NUDT3: variants seen among roughly 807,000 people sequenced by gnomAD.
The protein encoded by NUDT3 is nudix hydrolase 3, also known as diphosphoinositol polyphosphate phosphohydrolase 1.
Under a neutral mutation model 23.6 loss-of-function variants are expected in NUDT3, and 9 were observed. The ratio of observed to expected loss-of-function variants is 0.38; its 90% CI spans 0.23 to 0.66. NUDT3 has a LOEUF of 0.66. NUDT3 is among the 30% of genes least tolerant of loss of function. NUDT3 has a pLI of 0.52. For missense variants in NUDT3, 172 were observed against 218.5 expected (o/e 0.79, Z 1.34); for synonymous variants, 86 against 82.6 (o/e 1.04, Z -0.22).
chr6:34,330,918 G>A (rs746811879), intron 2 of NUDT3, among the ~76,000 whole-genome samples: 1 of 152,166 alleles, frequency 6.6e-6, no homozygotes, highest in African/African-American at 2.4e-5. Flanking sequence ...GCAATGGCAC[G>A]ATCTTGGCTC....
intron 2 of NUDT3, among the ~76,000 whole-genome samples, chr6:34,333,398 A>G (rs1764159001): frequency 6.6e-6 from 1 of 152,208 alleles, no homozygotes; most frequent in Admixed American, 6.5e-5. Flanking sequence ...TTATATAAAA[A>G]CTTTTTCTAG....
In NUDT3 at chr6:34,294,268, G is replaced by A. The variant is rs958102155; in HGVS notation, c.256-733C>T. ...GGGAAAGTGCTGGGATTACATATGT[G>A]AGCCACCACACCCAGCCAATTTTTG... On this transcript the variant is annotated intron_variant, in intron 3 of 4. Transcript: ENST00000607016. 1.2e-4 allele frequency among the ~76,000 whole-genome samples: 18 copies of A among 151,904 alleles called. No homozygotes were observed. The East Asian group carries it at 3.3e-3, about 28-fold the overall frequency.
intron 2 of NUDT3, among the ~76,000 whole-genome samples, chr6:34,322,592 G>A (rs1763962353): frequency 6.6e-6 from 1 of 152,166 alleles, no homozygotes; most frequent in African/African-American, 2.4e-5. Flanking sequence ...TGGAAATACA[G>A]TTCTATGATA....
intron 1 of NUDT3, 50 bp from the exon 2 acceptor site, chr6:34,342,022 T>G: frequency 2.0e-6 from 3 of 1,533,766 alleles, no homozygotes; most frequent in Non-Finnish European, 2.7e-6. Flanking sequence ...CAAAGACACA[T>G]CCACACAAAT....
chr6:34,376,983 G>A (rs1257615035), intron 1 of NUDT3, among the ~76,000 whole-genome samples: 2 of 151,964 alleles, frequency 1.3e-5, no homozygotes, highest in African/African-American at 2.4e-5. Context: ...ATCATGCTGG[G>A]TCTCCTTCTC....
At chr6:34,314,874 G>A (rs771180752) in intron 2 of NUDT3, among the ~76,000 whole-genome samples, 1 of 151,938 alleles carries the variant, frequency 6.6e-6, no homozygotes, top group African/African-American at 2.4e-5. Context: ...TCTATGCTCC[G>A]GACAAGAAAA....
intron 4 of NUDT3, among the ~76,000 whole-genome samples, chr6:34,291,607 AT>A (rs1255468616): frequency 2.6e-5 from 4 of 152,058 alleles, no homozygotes; most frequent in Admixed American, 2.6e-4. Flanking sequence ...GGTTCAAGTT[AT>A]TCTCCTGCCT....
At chr6:34,311,255 T>C (rs905953227) in intron 2 of NUDT3, among the ~76,000 whole-genome samples, 4 of 152,174 alleles carry the variant, frequency 2.6e-5, no homozygotes, top group African/African-American at 9.6e-5. Flanking sequence ...ACAAGGGTAA[T>C]GTACAAAAGT....
intron 1 of NUDT3, among the ~76,000 whole-genome samples, chr6:34,361,102 A>G (rs944145676): frequency 2.8e-4 from 43 of 152,154 alleles, no homozygotes; most frequent in African/African-American, 9.9e-4. Flanking sequence ...GTGCACTTGC[A>G]GTCCCAGCTA....
intron 1 of NUDT3, among the ~76,000 whole-genome samples, chr6:34,387,905 G>A (rs533464774): frequency 6.6e-6 from 1 of 152,194 alleles, no homozygotes; most frequent in African/African-American, 2.4e-5. Context: ...TGTTTCTGTA[G>A]TGTACAGTAA....
intron 1 of NUDT3, among the ~76,000 whole-genome samples, chr6:34,358,914 T>C (rs1452747652): frequency 6.6e-6 from 1 of 152,218 alleles, no homozygotes; most frequent in Non-Finnish European, 1.5e-5. Flanking sequence ...AAGGAAAATA[T>C]TTTTATGTAA....
intron 2 of NUDT3, among the ~76,000 whole-genome samples, chr6:34,320,135 T>C (rs181522640): frequency 0.019 from 2,690 of 143,010 alleles, 33 homozygotes; most frequent in Middle Eastern, 0.059. Context: ...GAAGGAGGGC[T>C]GTTAATAGGC....
chr6:34,337,225 A>G (rs1430401858), intron 2 of NUDT3, among the ~76,000 whole-genome samples: 6 of 152,192 alleles, frequency 3.9e-5, no homozygotes, highest in African/African-American at 1.4e-4. Context: ...AGATATGATG[A>G]TATGATTCTC....
At chr6:34,293,222 C>T (rs114137523) in intron 4 of NUDT3, among the ~76,000 whole-genome samples, 5 of 152,166 alleles carry the variant, frequency 3.3e-5, no homozygotes, top group East Asian at 3.8e-4. Context: ...GCCACCACGC[C>T]GAGCTAAGTC....
At chr6:34,353,695 C>A (rs1024949094) in intron 1 of NUDT3, among the ~76,000 whole-genome samples, 1 of 151,856 alleles carries the variant, frequency 6.6e-6, no homozygotes, top group African/African-American at 2.4e-5. Flanking sequence ...TGAGCCACAC[C>A]CAGCCTTGCT....
chr6:34,389,682 G>A (rs1429655689), intron 1 of NUDT3, among the ~76,000 whole-genome samples: 2 of 151,814 alleles, frequency 1.3e-5, no homozygotes, highest in African/African-American at 4.9e-5. Flanking sequence ...AATAAATAAA[G>A]GTCGGGCACA....
intron 2 of NUDT3, among the ~76,000 whole-genome samples, chr6:34,335,014 C>T (rs1272565185): frequency 6.6e-6 from 1 of 150,976 alleles, no homozygotes; most frequent in Non-Finnish European, 1.5e-5. Flanking sequence ...GGAAGGAAGA[C>T]TACACAGAGT....
chr6:34,358,641 G>A (rs563351370), intron 1 of NUDT3, among the ~76,000 whole-genome samples: 23 of 152,150 alleles, frequency 1.5e-4, no homozygotes, highest in African/African-American at 4.6e-4. Context: ...CCAACAGATT[G>A]TAAACCATGA....
At chr6:34,351,223 A>AC (rs1764468801) in intron 1 of NUDT3, among the ~76,000 whole-genome samples, 3 of 135,032 alleles carry the variant, frequency 2.2e-5, no homozygotes, top group Admixed American at 1.5e-4. Context: ...AAAAAAAAAA[A>AC]AAACACTTTG....
Sources: gnomAD v4.1 joint callset for allele counts (sites outside exome capture counted in the v4.1 genomes callset) on GRCh38, gnomAD v4.1.1 for gene constraint, MANE v1.5 for transcripts, NCBI Gene and HGNC (gene_info 2026-07-23, HGNC 2026-07-21) for gene names.